ZNF609: variants seen among roughly 807,000 people sequenced by gnomAD.
The protein encoded by ZNF609 is zinc finger protein 609.
Under a neutral mutation model 109.5 loss-of-function variants are expected in ZNF609, and 11 were observed. The observed-to-expected ratio is 0.10, with a 90% CI of 0.06 to 0.17. The LOEUF (loss-of-function observed/expected upper bound fraction) is 0.17. ZNF609 is among the 10% of genes least tolerant of loss of function. The pLI, the probability that ZNF609 is intolerant of heterozygous loss-of-function variation, is 1.00. For missense variants in ZNF609, 1,559 were observed against 1,772.4 expected (o/e 0.88, Z 2.16); for synonymous variants, 646 against 662.0 (o/e 0.98, Z 0.37).
intron 2 of ZNF609, among the ~76,000 whole-genome samples, chr15:64,557,410 G>A (rs1318586192): frequency 1.3e-5 from 2 of 152,010 alleles, no homozygotes; most frequent in Admixed American, 6.6e-5. Context: ...TATATTGTGT[G>A]TAGGCTGAAG....
rs1894486860 is a variant in ZNF609, at chr15:64,551,955, C to T, written c.747+51789C>T. 1.5e-5 allele frequency among the ~76,000 whole-genome samples: 2 copies of T among 133,470 alleles called. 1 individual carries two copies. Among genetic ancestry groups the T allele is most frequent in the Non-Finnish European group, 3.4e-5 (2 of 59,124 alleles). The allele number at this position is 133,470 out of a possible 152,430, so 87.6% of individuals were successfully genotyped here. On this transcript the variant is annotated intron_variant, in intron 2 of 9. Coordinates refer to ENST00000326648, the MANE Select transcript of ZNF609 (RefSeq NM_015042.2). ...GAGCCGAGGTCGCACCACTGCACTC[C>T]AGCCTGGGTGACAGAGTAAGACTCT...
intron 3 of ZNF609, among the ~76,000 whole-genome samples, chr15:64,648,768 A>T (rs79469978): frequency 3.4e-4 from 51 of 150,398 alleles, no homozygotes; most frequent in African/African-American, 1.2e-3. Context: ...AAAAAAAAAA[A>T]TTAGGGAAAG....
chr15:64,572,949 G>A (rs1894881117), intron 2 of ZNF609, among the ~76,000 whole-genome samples: 1 of 152,134 alleles, frequency 6.6e-6, no homozygotes, highest in South Asian at 2.1e-4. Flanking sequence ...AAAGGTTGTG[G>A]CTCCACGCGG....
chr15:64,537,818 T>G (rs2140377481), intron 2 of ZNF609, among the ~76,000 whole-genome samples: 1 of 152,164 alleles, frequency 6.6e-6, no homozygotes, highest in Middle Eastern at 3.4e-3. Flanking sequence ...ATCCTAGGGC[T>G]GGGCGCGGTG....
chr15:64,586,311 A>G, intron 2 of ZNF609, among the ~76,000 whole-genome samples: 1 of 149,502 alleles, frequency 6.7e-6, no homozygotes, highest in South Asian at 2.1e-4. Context: ...GGGCAACAAG[A>G]GTGAAACTCG....
intron 1 of ZNF609, among the ~76,000 whole-genome samples, chr15:64,486,108 C>T (rs927593145): frequency 2.0e-5 from 3 of 152,188 alleles, no homozygotes; most frequent in African/African-American, 7.2e-5. Flanking sequence ...GTCCCCTTCT[C>T]CCATCTCCCA....
At chr15:64,672,554 G>T (rs574915075) in intron 4 of ZNF609, among the ~76,000 whole-genome samples, 1 of 147,522 alleles carries the variant, frequency 6.8e-6, no homozygotes, top group African/African-American at 2.5e-5. Context: ...GAACCAGGGA[G>T]TTGGAGGTTG....
intron 2 of ZNF609, among the ~76,000 whole-genome samples, chr15:64,542,138 G>C (rs916622328): frequency 9.9e-5 from 15 of 151,910 alleles, no homozygotes; most frequent in African/African-American, 2.4e-4. Context: ...CACACACACA[G>C]ACAGAGTAGG....
rs1038255027 is a variant in ZNF609, at chr15:64,510,677, C to G, written c.747+10511C>G. On this transcript the variant is annotated intron_variant, in intron 2 of 9. Transcript: ENST00000326648. ...TGTATGTCTTGTGCTTAAAAGGAGG[C>G]TACTACTTTTTTGTGAGGAAATAAA... 3.9e-5 allele frequency among the ~76,000 whole-genome samples: 6 copies of G among 152,128 alleles called. No homozygotes were observed. In the East Asian group the frequency reaches 5.8e-4, roughly 15 times the overall value.
At position 64,473,766 on chromosome 15, in the gene ZNF609, C is replaced by G. The variant is rs191295394; in HGVS notation, c.-128+12928C>G. On this transcript the variant is annotated intron_variant, in intron 1 of 9. Transcript: ENST00000326648. Reference sequence around the variant, plus strand: ...GATTACAGGTGCATTTCACTACGCCCAGCTAATTTTTGTATTTTTTTGAGA... The same window carrying G: ...GATTACAGGTGCATTTCACTACGCCGAGCTAATTTTTGTATTTTTTTGAGA... 6.8e-4 allele frequency among the ~76,000 whole-genome samples: 103 copies of G among 151,992 alleles called. 4 individuals carry two copies. Among genetic ancestry groups the G allele is most frequent in the Non-Finnish European group, 1.9e-4 (13 of 67,970 alleles).
intron 2 of ZNF609, among the ~76,000 whole-genome samples, chr15:64,583,758 T>C (rs2140429138): frequency 6.6e-6 from 1 of 152,278 alleles, no homozygotes; most frequent in African/African-American, 2.4e-5. Context: ...GGGAGGAGGC[T>C]GCCTTGGGTA....
intron 2 of ZNF609, among the ~76,000 whole-genome samples, chr15:64,544,882 C>T (rs185151853): frequency 6.6e-6 from 1 of 152,302 alleles, no homozygotes; most frequent in Non-Finnish European, 1.5e-5. Context: ...CCTCTGCTGT[C>T]AGACCATCAA....
intron 2 of ZNF609, among the ~76,000 whole-genome samples, chr15:64,563,428 G>T (rs573493540): frequency 6.6e-6 from 1 of 151,640 alleles, no homozygotes; most frequent in Admixed American, 6.6e-5. Context: ...TCCAGCCTGG[G>T]TGGTGGAACA....
At chr15:64,485,869 C>T (rs995576360) in intron 1 of ZNF609, among the ~76,000 whole-genome samples, 3 of 152,174 alleles carry the variant, frequency 2.0e-5, no homozygotes, top group Non-Finnish European at 4.4e-5. Context: ...TAACATCTTG[C>T]TAAAGTACAA....
At chr15:64,638,211 G>A (rs1896205573) in intron 3 of ZNF609, among the ~76,000 whole-genome samples, 1 of 151,566 alleles carries the variant, frequency 6.6e-6, no homozygotes, top group Non-Finnish European at 1.5e-5. Flanking sequence ...TCGTAAACCA[G>A]TTAACCTGTG....
intron 1 of ZNF609, among the ~76,000 whole-genome samples, chr15:64,484,888 C>T (rs1176152560): frequency 4.0e-5 from 6 of 151,830 alleles, no homozygotes; most frequent in Admixed American, 6.6e-5. Context: ...GCAGGAGAAC[C>T]GCTTGAACCC....
chr15:64,525,503 G>T (rs77713704), intron 2 of ZNF609, among the ~76,000 whole-genome samples: 1,977 of 152,242 alleles, frequency 0.013, 32 homozygotes, highest in African/African-American at 0.046. Flanking sequence ...GTTGAGAATT[G>T]TGAGTCTTTC....
intron 2 of ZNF609, among the ~76,000 whole-genome samples, chr15:64,563,582 A>G (rs1894721979): frequency 6.6e-6 from 1 of 152,092 alleles, no homozygotes; most frequent in Non-Finnish European, 1.5e-5. Flanking sequence ...GTTCGAGGCC[A>G]GCCTGACCAA....
Position 64,500,260 on chromosome 15 carries a change from A to G in ZNF609, c.747+94A>G, listed in dbSNP as rs554481517. 47 of 1,505,474 alleles carry G rather than the reference A, an allele frequency of 3.1e-5. No individual in the cohort carries two copies. The African/African-American group carries it at 6.4e-4, about 21-fold the overall frequency. 93.3% of individuals were successfully genotyped at this position (1,505,474 alleles called of 1,614,324 possible). A position where few individuals can be genotyped will look rare whatever the true frequency, so the allele number is the denominator to read the frequency against. On this transcript the variant is annotated intron_variant, in intron 2 of 9. Coordinates refer to ENST00000326648, the MANE Select transcript of ZNF609 (RefSeq NM_015042.2). Reference sequence around the variant, plus strand: ...ACTATGTGTACTCTGTGGGAGGCTCATTAGTGTGTGGGTAATGACCAATTA... The same window carrying G: ...ACTATGTGTACTCTGTGGGAGGCTCGTTAGTGTGTGGGTAATGACCAATTA...
Sources: allele counts gnomAD v4.1 joint callset (sites outside exome capture counted in the v4.1 genomes callset), GRCh38; gene constraint gnomAD v4.1.1; transcripts MANE v1.5; gene names NCBI Gene and HGNC (gene_info 2026-07-23, HGNC 2026-07-21).